The following CDCA5 variants were observed in gnomAD, a reference collection of about 807,000 sequenced individuals.
CDCA5 encodes the protein cell division cycle associated 5.
Under a neutral mutation model 25.7 loss-of-function variants are expected in CDCA5, and 14 were observed. The ratio of observed to expected loss-of-function variants is 0.54; its 90% CI spans 0.36 to 0.85. The LOEUF (loss-of-function observed/expected upper bound fraction) is 0.85, where lower values mean the gene tolerates loss of function less well. Among genes scored for constraint, CDCA5 ranks in the 40% least tolerant of loss-of-function variants. CDCA5 has a pLI of 0.01. For synonymous variants in CDCA5, 127 were observed against 128.7 expected, an observed-to-expected ratio of 0.99 and a Z score of 0.09; for missense variants, 307 against 324.5, an observed-to-expected ratio of 0.95 and a Z score of 0.41.
Position 65,079,413 on chromosome 11 carries a change from A to C in CDCA5, c.618T>G (p.Pro206=), listed in dbSNP as rs1947513276. 1 of 1,614,054 alleles carries C rather than the reference A, an allele frequency of 6.2e-7. No homozygotes were observed. Among genetic ancestry groups the C allele is most frequent in the East Asian group, 2.2e-5 (1 of 44,870 alleles). Residue 206 remains proline, a synonymous_variant, in exon 5 of 6, where the codon CCT becomes CCG. Coordinates refer to ENST00000275517, the MANE Select transcript of CDCA5 (RefSeq NM_080668.4). The stretch of plus-strand genomic sequence containing the variant: ...GTTTCTCGGGTGGTGGGGAGATTCC[A>C]GGGAGAGTCATGTCTGGGGCCCAGG... ...AKPWAPDMTL[P]GISPPPEKQK...
chr11:65,066,597 G>A lies in CDCA5; in HGVS notation c.518C>T (p.Ala173Val), dbSNP rs756875473. 8.5e-6 allele frequency: 11 copies of A among 1,289,418 alleles called. No homozygotes were observed. In the South Asian group the frequency reaches 1.4e-4, roughly 16 times the overall value. The allele number at this position is 1,289,418 out of a possible 1,614,324, so 79.9% of individuals were successfully genotyped here. A position where few individuals can be genotyped will look rare whatever the true frequency, so the allele number is the denominator to read the frequency against. The change falls in exon 6 of 7, where the codon GCC becomes GTC. Residue 173 changes from alanine to valine, a missense_variant. By Grantham distance (64) the Ala-to-Val change is moderately conservative. Coordinates refer to the CDCA5 transcript ENST00000525464. ...CAGGGCCTGGCTTTCCTCCTGCAGGGCCTTCACTTCATCCTGGATGGCCTG... is the reference window on the plus strand; with the variant it reads ...CAGGGCCTGGCTTTCCTCCTGCAGGACCTTCACTTCATCCTGGATGGCCTG...
At chr11:65,063,071 A>G (rs1249396427), downstream of CDCA5, among the ~76,000 whole-genome samples, 1 of 152,208 alleles carries the variant, frequency 6.6e-6, no homozygotes, top group Non-Finnish European at 1.5e-5. Flanking sequence ...CTTCTGTCCA[A>G]GGGGTGTTCA....
At position 65,079,600 on chromosome 11, in the gene CDCA5, C is replaced by T. The variant is rs778562586; in HGVS notation, c.431G>A (p.Arg144His). ...RDLEMSKKVRRSYSRLETLGS... is the reference protein window; with the variant it reads ...RDLEMSKKVRHSYSRLETLGS... ...CAGGGTCTCCAGCCGGCTGTAGGAA[C>T]GCCTGACTTTCTTAGACATTTCCAA... Residue 144 changes from arginine (R) to histidine (H), a missense_variant, in exon 5 of 6, where the codon CGT becomes CAT. Arg to His is a conservative substitution (Grantham distance 29). Coordinates refer to ENST00000275517, the MANE Select transcript of CDCA5 (RefSeq NM_080668.4). 24 of 1,612,644 alleles carry T rather than the reference C, an allele frequency of 1.5e-5. No homozygotes were observed. Among genetic ancestry groups the T allele is most frequent in the African/African-American group, 2.7e-5 (2 of 74,844 alleles).
At chr11:65,068,590 G>C in exon 2 of CDCA5, 1 of 1,288,836 alleles carries the variant, frequency 7.8e-7, no homozygotes, top group South Asian at 1.2e-5. Flanking sequence ...CTCTTTGTCT[G>C]CCCCTAAGAG....
In CDCA5 at chr11:65,067,830, C is replaced by T. The variant is rs1195078687; in HGVS notation, c.270-77G>A. On this transcript the variant is annotated intron_variant, in intron 3 of 6. Coordinates refer to the CDCA5 transcript ENST00000525464. ...AAGTGGGTGGGTGGTGTGGGGGTGCCCAGCCAAAGGCCCCGGCTTCAGCAG... is the reference window on the plus strand; with the variant it reads ...AAGTGGGTGGGTGGTGTGGGGGTGCTCAGCCAAAGGCCCCGGCTTCAGCAG... 3 of 988,574 alleles carry T rather than the reference C, an allele frequency of 3.0e-6. No homozygotes were observed. The African/African-American group carries it at 5.0e-5, about 16-fold the overall frequency. The allele number at this position is 988,574 out of a possible 1,614,324, so 61.2% of individuals were successfully genotyped here. A position where few individuals can be genotyped will look rare whatever the true frequency, so the allele number is the denominator to read the frequency against.
At position 65,078,570 on chromosome 11, in the gene CDCA5, C is replaced by T; in HGVS notation, c.*537G>A. On this transcript the variant is annotated 3_prime_UTR_variant, in exon 6 of 6. Transcript: ENST00000275517. ...TCCTCCAAGACAGAATTGCCCTCAG[C>T]CCACGAATTCTCTCTGGGACTATTT... 1.5e-5 allele frequency: 15 copies of T among 985,840 alleles called. No homozygotes were observed. Among genetic ancestry groups the T allele is most frequent in the Non-Finnish European group, 1.8e-5 (15 of 830,216 alleles). The allele number at this position is 985,840 out of a possible 1,614,324, so 61.1% of individuals were successfully genotyped here. A position where few individuals can be genotyped will look rare whatever the true frequency, so the allele number is the denominator to read the frequency against.
downstream of CDCA5, among the ~76,000 whole-genome samples, chr11:65,065,872 T>C (rs1234654259): frequency 6.6e-6 from 1 of 151,996 alleles, no homozygotes; most frequent in African/African-American, 2.4e-5. Flanking sequence ...ACCACCTCTC[T>C]CTGCCCCCCA....
intron 4 of CDCA5, among the ~76,000 whole-genome samples, chr11:65,082,465 T>C (rs1021085255): frequency 1.3e-5 from 2 of 148,440 alleles, no homozygotes; most frequent in African/African-American, 5.0e-5. Flanking sequence ...TTGTCTTTTT[T>C]TTTTTTTTTT....
chr11:65,076,756 G>A (rs889724661), downstream of CDCA5, among the ~76,000 whole-genome samples: 2 of 152,164 alleles, frequency 1.3e-5, no homozygotes, highest in African/African-American at 4.8e-5. Flanking sequence ...CAGCTCCCCA[G>A]GGTCCCACAG....
intron 1 of CDCA5, among the ~76,000 whole-genome samples, chr11:65,070,049 C>T (rs1197909733): frequency 6.6e-6 from 1 of 152,172 alleles, no homozygotes; most frequent in Admixed American, 6.5e-5. Context: ...GATGTGCCGC[C>T]GGGTCTCAAA....
chr11:65,061,245 A>G, the CDCA5 span, among the ~76,000 whole-genome samples: 1 of 152,214 alleles, frequency 6.6e-6, no homozygotes, highest in African/African-American at 2.4e-5. Flanking sequence ...GCCTCCTGCC[A>G]ACATTCAGCA....
At chr11:65,067,811 G>T in intron 3 of CDCA5, 1 of 1,066,240 alleles carries the variant, frequency 9.4e-7, no homozygotes, top group Non-Finnish European at 1.3e-6. Flanking sequence ...AGGGAAGTGG[G>T]TGGGTGGTGT....
exon 5 of CDCA5, chr11:65,066,844 T>G: frequency 7.8e-7 from 1 of 1,289,216 alleles, no homozygotes; most frequent in Non-Finnish European, 1.0e-6. Context: ...CAGGGCCAGG[T>G]TGTGCACTTG....
In CDCA5 at chr11:65,068,581, TC is replaced by T. The variant is rs1444638551; in HGVS notation, c.83del (p.Arg28LysfsTer50). 1 of 1,289,338 alleles carries T rather than the reference TC, an allele frequency of 7.8e-7. No individual in the cohort carries two copies. Among genetic ancestry groups the T allele is most frequent in the Admixed American group, 2.3e-5 (1 of 43,576 alleles). The allele number at this position is 1,289,338 out of a possible 1,614,324, so 79.9% of individuals were successfully genotyped here. Reference sequence around the variant, plus strand: ...GCTTGTTGGCCAGCTTGGAGTGGGCTCTTTGTCTGCCCCTAAGAGACTGAGA... The same window carrying T: ...GCTTGTTGGCCAGCTTGGAGTGGGCTTTTGTCTGCCCCTAAGAGACTGAGA... On this transcript the variant is annotated frameshift_variant, in exon 2 of 7. Transcript: ENST00000525464. LOFTEE classifies it high-confidence loss of function.
chr11:65,077,983 G>A lies in CDCA5; in HGVS notation c.*1124C>T, dbSNP rs536432442. 1.4e-5 allele frequency: 14 copies of A among 985,452 alleles called. No individual in the cohort carries two copies. The South Asian group carries it at 3.3e-4, about 23-fold the overall frequency. The allele number at this position is 985,452 out of a possible 1,614,324, so 61.0% of individuals were successfully genotyped here. ...CAAATCCACACTATTGAATCCACAC[G>A]ATGGAAAGAAGAGAAAGATGGGGAA... On this transcript the variant is annotated 3_prime_UTR_variant, in exon 6 of 6. Coordinates refer to ENST00000275517, the MANE Select transcript of CDCA5 (RefSeq NM_080668.4).
rs954706905 is a variant in CDCA5 at position 65,077,921 on chromosome 11, A to C, written c.*1186T>G. The C allele has an allele frequency of 2.0e-6, 2 of 985,474 alleles. No homozygotes were observed. The highest frequency in any genetic ancestry group is 1.7e-5 in the African/African-American group (1 of 57,206). 61.0% of individuals were successfully genotyped at this position (985,474 alleles called of 1,614,324 possible). A position where few individuals can be genotyped will look rare whatever the true frequency, so the allele number is the denominator to read the frequency against. Reference sequence around the variant, plus strand: ...CTAAACATCAAAAGGTACAATGGCCAGGGGTGCGGCAGGAGAGTCGGGGGC... The same window carrying C: ...CTAAACATCAAAAGGTACAATGGCCCGGGGTGCGGCAGGAGAGTCGGGGGC... On this transcript the variant is annotated 3_prime_UTR_variant, in exon 6 of 6. Transcript: ENST00000275517.
At chr11:65,081,365 T>C (rs1470719025) in intron 4 of CDCA5, among the ~76,000 whole-genome samples, 2 of 151,548 alleles carry the variant, frequency 1.3e-5, no homozygotes, top group African/African-American at 4.9e-5. Flanking sequence ...GAGGCGGAGG[T>C]TGCAGTGAGC....
Position 65,077,936 on chromosome 11 carries a change from G to C in CDCA5, c.*1171C>G. ...TACAATGGCCAGGGGTGCGGCAGGA[G>C]AGTCGGGGGCAGGGCAGCCTTCAAA... is the stretch of plus-strand genomic sequence containing the variant. On this transcript the variant is annotated 3_prime_UTR_variant, in exon 6 of 6. Transcript: ENST00000275517. The C allele has an allele frequency of 4.1e-6, 4 of 985,526 alleles. No homozygotes were observed. Among genetic ancestry groups the C allele is most frequent in the Non-Finnish European group, 4.8e-6 (4 of 830,026 alleles). 61.0% of individuals were successfully genotyped at this position (985,526 alleles called of 1,614,324 possible). A position where few individuals can be genotyped will look rare whatever the true frequency, so the allele number is the denominator to read the frequency against.
chr11:65,061,918 T>TC (rs1947190235), downstream of CDCA5, among the ~76,000 whole-genome samples: 1 of 139,432 alleles, frequency 7.2e-6, no homozygotes, highest in African/African-American at 2.7e-5. Flanking sequence ...TGCCTAATTT[T>TC]TTTTTTTTTT....
Sources: allele counts gnomAD v4.1 joint callset (sites outside exome capture counted in the v4.1 genomes callset), GRCh38; gene constraint gnomAD v4.1.1; transcripts MANE v1.5; gene names NCBI Gene and HGNC (gene_info 2026-07-23, HGNC 2026-07-21).